Variants in SORD observed in about 807,000 individuals in gnomAD.
SORD encodes (R,R)-butanediol dehydrogenase.
SORD carries 18 observed loss-of-function variants against 35.6 expected under a neutral mutation model. The ratio of observed to expected loss-of-function variants is 0.51; its 90% CI spans 0.35 to 0.75. SORD has a LOEUF of 0.75. Ranked by LOEUF, SORD falls within the 30% of genes least tolerant of loss-of-function variation. The probability of loss-of-function intolerance (pLI) is 0.01; values close to 1 mark genes in which losing one functional copy is unlikely to be tolerated. For missense variants in SORD, 250 were observed against 390.2 expected, an observed-to-expected ratio of 0.64 and a Z score of 3.03; for synonymous variants, 106 against 152.9, an observed-to-expected ratio of 0.69 and a Z score of 2.26.
chr15:45,026,983 C>G (rs78032427), intron 1 of SORD, among the ~76,000 whole-genome samples: 29,368 of 147,204 alleles, frequency 0.2, no homozygotes, highest in African/African-American at 0.44. Context: ...TATGGCTGCA[C>G]GGAACAAAAA....
intron 2 of SORD, among the ~76,000 whole-genome samples, chr15:45,041,390 C>T (rs576384951): frequency 1.3e-3 from 192 of 152,138 alleles, no homozygotes; most frequent in Non-Finnish European, 2.3e-3. Flanking sequence ...CACACCTAGA[C>T]AGTCAGGTCC....
At chr15:45,057,791 C>A (rs565944342) in intron 3 of SORD, among the ~76,000 whole-genome samples, 1 of 151,724 alleles carries the variant, frequency 6.6e-6, no homozygotes, top group East Asian at 1.9e-4. Flanking sequence ...TCAAAAAAAA[C>A]AAAAAGAAAG....
chr15:45,071,485 T>G (rs1289258816), intron 7 of SORD, among the ~76,000 whole-genome samples: 1 of 152,170 alleles, frequency 6.6e-6, no homozygotes, highest in African/African-American at 2.4e-5. Context: ...GTCTCAGAAC[T>G]GGAGGCTGTG....
chr15:45,025,519 C>T (rs1253840147), intron 1 of SORD, among the ~76,000 whole-genome samples: 1 of 151,710 alleles, frequency 6.6e-6, no homozygotes, highest in Non-Finnish European at 1.5e-5. Context: ...GCCTGTAATC[C>T]CAGCTACTTG....
Position 45,068,238 on chromosome 15 carries a change from T to C in SORD, c.602T>C (p.Val201Ala), listed in dbSNP as rs201399365. 3.7e-6 allele frequency: 6 copies of C among 1,612,096 alleles called. No individual in the cohort carries two copies. Among genetic ancestry groups the C allele is most frequent in the Non-Finnish European group, 5.1e-6 (6 of 1,178,260 alleles). Residue 201 changes from valine to alanine, a missense_variant, in exon 6 of 9, where the codon GTG becomes GCG. This residue lies in a region of SORD where 126 missense variants were observed against 148.7 expected (regional missense o/e 0.85). Coordinates refer to ENST00000267814, the MANE Select transcript of SORD (RefSeq NM_003104.6). ...VAKAMGAAQVVVTDLSATRLS... is the reference protein window; with the variant it reads ...VAKAMGAAQVAVTDLSATRLS... ...AAAGCAATGGGAGCAGCTCAAGTAGTGGTGACTGGTAAGACTTTGTTCTTT... is the reference window on the plus strand; with the variant it reads ...AAAGCAATGGGAGCAGCTCAAGTAGCGGTGACTGGTAAGACTTTGTTCTTT...
intron 2 of SORD, among the ~76,000 whole-genome samples, chr15:45,041,085 G>A (rs1216400146): frequency 2.2e-4 from 34 of 152,224 alleles, no homozygotes; most frequent in Admixed American, 2.2e-3. Context: ...TGCTAAGCCT[G>A]TGGGGCTTAG....
intron 2 of SORD, 151 bp downstream of exon 2, chr15:45,040,592 G>C (rs1286320872): frequency 1.5e-6 from 1 of 658,054 alleles, no homozygotes; most frequent in Non-Finnish European, 2.7e-6. Flanking sequence ...TGAGAACAGA[G>C]TCTACTGCCC....
chr15:45,024,735 A>G (rs1892643160), intron 1 of SORD, among the ~76,000 whole-genome samples: 1 of 152,114 alleles, frequency 6.6e-6, no homozygotes, highest in African/African-American at 2.4e-5. Context: ...CACTCATGAA[A>G]GGGTGCCTGC....
rs1300828758 is a variant in SORD, at chr15:45,040,442, G to T, written c.100+1G>T. ...CCTATCCCTGAACCAGGCCCAAATG[G>T]TAAGTTCTTGGGAAACATGACTTAT... On this transcript the variant is annotated splice_donor_variant, in intron 2 of 8. Transcript: ENST00000267814. LOFTEE classifies it high-confidence loss of function. 1 of 1,579,492 alleles carries T rather than the reference G, an allele frequency of 6.3e-7. No individual in the cohort carries two copies. The highest frequency in any genetic ancestry group is 8.7e-7 in the Non-Finnish European group (1 of 1,149,134).
chr15:45,062,230 C>T (rs1236669248), intron 4 of SORD, among the ~76,000 whole-genome samples: 6 of 152,246 alleles, frequency 3.9e-5, no homozygotes, highest in African/African-American at 1.4e-4. Context: ...GACTTGGGCA[C>T]AGAGCACAAC....
intron 4 of SORD, among the ~76,000 whole-genome samples, chr15:45,064,471 C>T (rs1440670494): frequency 2.0e-5 from 3 of 152,302 alleles, no homozygotes; most frequent in Admixed American, 2.0e-4. Context: ...TATTTGCTAT[C>T]GTCATCAGCT....
chr15:45,038,974 G>A (rs1235682074), intron 1 of SORD, among the ~76,000 whole-genome samples: 2 of 152,194 alleles, frequency 1.3e-5, no homozygotes, highest in Non-Finnish European at 2.9e-5. Flanking sequence ...CACAGTGGAA[G>A]CAGGCTTCAT....
chr15:45,059,342 A>C (rs1336711344), intron 3 of SORD, among the ~76,000 whole-genome samples: 1 of 152,018 alleles, frequency 6.6e-6, no homozygotes, highest in Admixed American at 6.5e-5. Flanking sequence ...AAAAACAAAC[A>C]AAAAAACCAA....
chr15:45,055,553 C>T (rs1320129875), intron 3 of SORD, among the ~76,000 whole-genome samples: 1 of 152,154 alleles, frequency 6.6e-6, no homozygotes, highest in African/African-American at 2.4e-5. Context: ...CTGAATTCTA[C>T]CAGAGGTACA....
intron 3 of SORD, among the ~76,000 whole-genome samples, chr15:45,047,901 A>C (rs1705754871): frequency 6.6e-6 from 1 of 151,772 alleles, no homozygotes; most frequent in Non-Finnish European, 1.5e-5. Context: ...GGTATGGGTC[A>C]CTCCCCAGAT....
At chr15:45,055,511 C>G (rs1379420006) in intron 3 of SORD, among the ~76,000 whole-genome samples, 2 of 152,030 alleles carry the variant, frequency 1.3e-5, no homozygotes, top group Non-Finnish European at 2.9e-5. Flanking sequence ...GCTTACCAAC[C>G]AAAAAGAGTC....
At chr15:45,061,822 T>C (rs1005477701) in intron 4 of SORD, among the ~76,000 whole-genome samples, 3 of 151,958 alleles carry the variant, frequency 2.0e-5, no homozygotes, top group African/African-American at 7.2e-5. Flanking sequence ...TGAGCCGAGA[T>C]GGCGCCACTG....
intron 1 of SORD, chr15:45,036,404 A>G (rs1222839613): frequency 6.6e-6 from 3 of 454,472 alleles, no homozygotes; most frequent in African/African-American, 6.0e-5. Context: ...AAAAGATAAG[A>G]AATTCGGCCA....
At chr15:45,048,527 A>C (rs1316318522) in intron 3 of SORD, among the ~76,000 whole-genome samples, 1 of 152,152 alleles carries the variant, frequency 6.6e-6, no homozygotes, top group African/African-American at 2.4e-5. Flanking sequence ...TGGGGATTTG[A>C]GACTAACCTG....
Sources: gnomAD v4.1 joint callset for allele counts (sites outside exome capture counted in the v4.1 genomes callset) on GRCh38, gnomAD v4.1.1 for gene constraint, gnomAD v4.1.1 regional missense constraint, MANE v1.5 for transcripts, NCBI Gene and HGNC (gene_info 2026-07-23, HGNC 2026-07-21) for gene names.